Variants in ASAH2 observed in about 807,000 individuals in gnomAD.
ASAH2 encodes the protein neutral ceramidase.
Under a neutral mutation model 82.9 loss-of-function variants are expected in ASAH2, and 58 were observed. The ratio of observed to expected loss-of-function variants is 0.70; its 90% CI spans 0.57 to 0.87. The LOEUF (loss-of-function observed/expected upper bound fraction) is 0.87. Ranked by LOEUF, ASAH2 falls within the 40% of genes least tolerant of loss-of-function variation. ASAH2 has a pLI of 0.00. For synonymous variants in ASAH2, 276 were observed against 289.7 expected, an observed-to-expected ratio of 0.95 and a Z score of 0.48; for missense variants, 779 against 834.0, an observed-to-expected ratio of 0.93 and a Z score of 0.81.
At chr10:50,195,528 C>T (rs1844952507) in intron 18 of ASAH2, among the ~76,000 whole-genome samples, 1 of 150,630 alleles carries the variant, frequency 6.6e-6, no homozygotes, top group Admixed American at 6.6e-5. Flanking sequence ...AATATATACA[C>T]AATACCATTT....
Position 50,248,571 on chromosome 10 carries a change from T to C in ASAH2, c.40A>G (p.Ile14Val). Reference protein sequence around the residue: ...RTFSNLETFLIFLLVMMSAIT... With the variant: ...RTFSNLETFLVFLLVMMSAIT... ...GCACTCATCATTACAAGGAGGAAAATCAGGAATGTCTCCAAGTTAGAGAAG... is the reference window on the plus strand; with the variant it reads ...GCACTCATCATTACAAGGAGGAAAACCAGGAATGTCTCCAAGTTAGAGAAG... Residue 14 changes from isoleucine to valine, a missense_variant, in exon 2 of 21, where the codon ATT becomes GTT. Ile to Val is a conservative substitution (Grantham distance 29). This residue lies in a region of ASAH2 where 759 missense variants were observed against 755.2 expected (regional missense o/e 1.00). Coordinates refer to ENST00000682911, the MANE Select transcript of ASAH2 (RefSeq NM_019893.4). 1 of 1,613,582 alleles carries C rather than the reference T, an allele frequency of 6.2e-7. No individual in the cohort carries two copies. Among genetic ancestry groups the C allele is most frequent in the Non-Finnish European group, 8.5e-7 (1 of 1,179,630 alleles).
chr10:50,237,127 C>A (rs1484835295), intron 4 of ASAH2, among the ~76,000 whole-genome samples: 3 of 152,114 alleles, frequency 2.0e-5, no homozygotes, highest in Admixed American at 6.6e-5. Context: ...GGGGGAAAAG[C>A]AACTCAGGCA....
chr10:50,245,103 C>G, intron 3 of ASAH2, 119 bp downstream of exon 3: 1 of 929,786 alleles, frequency 1.1e-6, no homozygotes, highest in Non-Finnish European at 1.7e-6. Context: ...GCAGCAAGGT[C>G]AATTAAAAAG....
At position 50,206,066 on chromosome 10, in the gene ASAH2, G is replaced by A; in HGVS notation, c.1446C>T (p.Thr482=). The A allele has an allele frequency of 1.2e-6, 2 of 1,612,400 alleles. No homozygotes were observed. Among genetic ancestry groups the A allele is most frequent in the South Asian group, 2.2e-5 (2 of 91,028 alleles). The change falls in exon 13 of 21, where the codon ACC becomes ACT. Residue 482 remains threonine, a synonymous_variant. Transcript: ENST00000682911. ...GCTTTCCCAGGATCTGGTCCCGAAT[G>A]GTGTCCCAAAATGGATCCCCTTCTG... The part of the protein sequence containing the change: ...GKTEGDPFWD[T]IRDQILGKPS...
intron 12 of ASAH2, among the ~76,000 whole-genome samples, chr10:50,209,637 C>T (rs1426293715): frequency 6.6e-6 from 1 of 152,044 alleles, no homozygotes; most frequent in African/African-American, 2.4e-5. Flanking sequence ...TTATATCACA[C>T]ATCTGATAAG....
chr10:50,224,185 G>C (rs1442550686), intron 7 of ASAH2, among the ~76,000 whole-genome samples: 1 of 152,074 alleles, frequency 6.6e-6, no homozygotes, highest in Non-Finnish European at 1.5e-5. Flanking sequence ...GATAATAGTA[G>C]TACCTGCATT....
chr10:50,214,380 A>T (rs962430747), intron 9 of ASAH2, among the ~76,000 whole-genome samples: 11 of 152,158 alleles, frequency 7.2e-5, no homozygotes, highest in Non-Finnish European at 1.3e-4. Context: ...AACCCTATAA[A>T]CTTTATAATC....
intron 12 of ASAH2, among the ~76,000 whole-genome samples, chr10:50,208,852 A>G (rs1845379895): frequency 6.6e-6 from 1 of 152,162 alleles, no homozygotes; most frequent in African/African-American, 2.4e-5. Flanking sequence ...CAGAAGTCAA[A>G]ACAATCTTGG....
In ASAH2 at chr10:50,211,063, T is replaced by C. The variant is rs1845442806; in HGVS notation, c.1299A>G (p.Thr433=). The C allele has an allele frequency of 6.2e-7, 1 of 1,613,636 alleles. No homozygotes were observed. The highest frequency in any genetic ancestry group is 8.5e-7 in the Non-Finnish European group (1 of 1,179,746). ...LASAHQWVDM[T]DVTVWLNSTH... is the part of the protein sequence containing the mutation. Reference sequence around the variant, plus strand: ...TGGAATTGAGCCAGACAGTCACATCTGTCATATCCACCCACTGGTGTGCTG... The same window carrying C: ...TGGAATTGAGCCAGACAGTCACATCCGTCATATCCACCCACTGGTGTGCTG... The change falls in exon 11 of 21, where the codon ACA becomes ACG. Residue 433 remains threonine, a synonymous_variant. Transcript: ENST00000682911.
In ASAH2 at chr10:50,200,369, T is replaced by A. The variant is rs1247604874; in HGVS notation, c.1762-1223A>T. Among the ~76,000 whole-genome samples the A allele has an allele frequency of 1.5e-4, 23 of 150,982 alleles. No individual in the cohort carries two copies. In the East Asian group the frequency reaches 3.9e-3, roughly 26 times the overall value. The stretch of plus-strand genomic sequence containing the variant: ...GGCTACCATCTCCTTACCATCACCC[T>A]CCGCATACTTACTCCATGCTACTCA... On this transcript the variant is annotated intron_variant, in intron 16 of 20. Coordinates refer to ENST00000682911, the MANE Select transcript of ASAH2 (RefSeq NM_019893.4).
chr10:50,198,198 T>C (rs1845041392), intron 17 of ASAH2: 1 of 151,972 alleles, frequency 6.6e-6, no homozygotes, highest in Admixed American at 6.6e-5. Flanking sequence ...CTTTATTTTC[T>C]TTGCTATGCC....
At chr10:50,205,915 A>G (rs1156430509) in intron 13 of ASAH2, 67 bp downstream of exon 13, 2 of 1,213,330 alleles carry the variant, frequency 1.6e-6, no homozygotes, top group Non-Finnish European at 2.5e-6. Context: ...ACCATTCATT[A>G]CCTGACAGTT....
chr10:50,226,975 C>T (rs1050816323), intron 7 of ASAH2, among the ~76,000 whole-genome samples: 3 of 151,820 alleles, frequency 2.0e-5, no homozygotes, highest in Admixed American at 6.6e-5. Flanking sequence ...TTAAAAATAG[C>T]TATCAATCCA....
At chr10:50,195,136 C>T (rs1366775759) in intron 18 of ASAH2, among the ~76,000 whole-genome samples, 1 of 151,008 alleles carries the variant, frequency 6.6e-6, no homozygotes, top group Non-Finnish European at 1.5e-5. Context: ...CACTTGCAAA[C>T]TATGCATCCA....
At chr10:50,206,865 A>G (rs1845312944) in intron 12 of ASAH2, among the ~76,000 whole-genome samples, 1 of 151,928 alleles carries the variant, frequency 6.6e-6, no homozygotes, top group Non-Finnish European at 1.5e-5. Context: ...TACTCCACCC[A>G]ACAATAACAG....
intron 3 of ASAH2, among the ~76,000 whole-genome samples, chr10:50,243,835 T>G (rs969590971): frequency 6.6e-6 from 1 of 152,212 alleles, no homozygotes; most frequent in African/African-American, 2.4e-5. Flanking sequence ...AGTGTATGAT[T>G]TTGTTTTCTG....
chr10:50,219,171 A>G (rs1845682491), intron 7 of ASAH2, among the ~76,000 whole-genome samples: 1 of 152,246 alleles, frequency 6.6e-6, no homozygotes. Context: ...TGTGGGCATT[A>G]CAGGGAGAGG....
Position 50,204,865 on chromosome 10 carries a change from A to G in ASAH2, c.1621T>C (p.Phe541Leu). 6.2e-7 allele frequency: 1 copy of G among 1,606,072 alleles called. No individual in the cohort carries two copies. Among genetic ancestry groups the G allele is most frequent in the South Asian group, 1.1e-5 (1 of 90,282 alleles). Residue 541 changes from phenylalanine (F) to leucine (L), a missense_variant, in exon 14 of 21, where the codon TTT becomes CTT. Phe to Leu is a conservative substitution (Grantham distance 22). Transcript: ENST00000682911. The part of the protein sequence containing the change: ...SLAITAIPGE[F>L]TTMSGRRLRE... ...GTAATAAAAAGAAAAACTTACGTAAACTCCCCGGGGATGGCAGTTATGGCC... is the reference window on the plus strand; with the variant it reads ...GTAATAAAAAGAAAAACTTACGTAAGCTCCCCGGGGATGGCAGTTATGGCC...
chr10:50,243,567 T>C (rs140188966), intron 3 of ASAH2, among the ~76,000 whole-genome samples: 1 of 152,320 alleles, frequency 6.6e-6, no homozygotes, highest in African/African-American at 2.4e-5. Flanking sequence ...ATCCTCTGTG[T>C]AGAAAAATGC....
Sources: gnomAD v4.1 joint callset for allele counts (sites outside exome capture counted in the v4.1 genomes callset) on GRCh38, gnomAD v4.1.1 for gene constraint, gnomAD v4.1.1 regional missense constraint, MANE v1.5 for transcripts, NCBI Gene and HGNC (gene_info 2026-07-23, HGNC 2026-07-21) for gene names.